The following IL1RAPL1 variants were observed in gnomAD, a reference collection of about 807,000 sequenced individuals.
IL1RAPL1 encodes interleukin-1 receptor accessory protein-like 1.
Under a neutral mutation model 48.4 loss-of-function variants are expected in IL1RAPL1, and 3 were observed. The ratio of observed to expected loss-of-function variants is 0.06; its 90% confidence interval spans 0.03 to 0.16. IL1RAPL1 has a LOEUF of 0.16. Ranked by LOEUF, IL1RAPL1 falls within the 10% of genes least tolerant of loss-of-function variation. IL1RAPL1 has a pLI of 1.00. For synonymous variants in IL1RAPL1, 185 were observed against 187.7 expected, an observed-to-expected ratio of 0.99 and a Z score of 0.12; for missense variants, 349 against 530.6, an observed-to-expected ratio of 0.66 and a Z score of 3.36.
At chrX:29,931,775 T>C (rs1332336603) in intron 8 of IL1RAPL1, among the ~76,000 whole-genome samples, 4 of 112,249 alleles carry the variant, frequency 3.6e-5, no homozygotes, top group African/African-American at 1.3e-4. Context: ...TTGTTCTAAC[T>C]ATGACAATAT....
chrX:29,046,580 G>C (rs1324553250), intron 2 of IL1RAPL1, among the ~76,000 whole-genome samples: 1 of 111,521 alleles, frequency 9.0e-6, no homozygotes, highest in Non-Finnish European at 1.9e-5. Flanking sequence ...GAATCATATA[G>C]CCACAGAACC....
chrX:29,556,076 GTCA>G (rs1921990673), intron 5 of IL1RAPL1, among the ~76,000 whole-genome samples: 1 of 111,640 alleles, frequency 9.0e-6, no homozygotes, highest in African/African-American at 3.3e-5. Flanking sequence ...CCTAGGACAT[GTCA>G]TCTACCTCCC....
At chrX:29,443,123 T>G (rs192810241) in intron 5 of IL1RAPL1, among the ~76,000 whole-genome samples, 10 of 110,092 alleles carry the variant, frequency 9.1e-5, no homozygotes, top group African/African-American at 3.3e-4. Flanking sequence ...CTTAGTAGAA[T>G]CATATATATG....
At chrX:28,914,632 T>C (rs1300399317) in intron 2 of IL1RAPL1, among the ~76,000 whole-genome samples, 1 of 112,181 alleles carries the variant, frequency 8.9e-6, no homozygotes, top group Non-Finnish European at 1.9e-5. Flanking sequence ...CTGCACTACC[T>C]GTACGACACA....
intron 6 of IL1RAPL1, among the ~76,000 whole-genome samples, chrX:29,717,725 G>A (rs1450177712): frequency 3.6e-5 from 4 of 111,975 alleles, no homozygotes; most frequent in Non-Finnish European, 7.5e-5. Context: ...GTTGAGAAGT[G>A]CAACCAAAAC....
intron 5 of IL1RAPL1, among the ~76,000 whole-genome samples, chrX:29,457,585 G>A: frequency 8.9e-6 from 1 of 112,141 alleles, no homozygotes; most frequent in Non-Finnish European, 1.9e-5. Context: ...ATCCACCACT[G>A]ATGGACACCT....
rs1483851804 is a variant in IL1RAPL1 at position 28,887,199 on chromosome X, C to T, written c.82+97774C>T. 2.7e-5 allele frequency among the ~76,000 whole-genome samples: 3 copies of T among 110,643 alleles called. No homozygotes were observed. In the Admixed American group the frequency reaches 2.9e-4, roughly 11 times the overall value. On this transcript the variant is annotated intron_variant, in intron 2 of 10. Coordinates refer to ENST00000378993, the MANE Select transcript of IL1RAPL1 (RefSeq NM_014271.4). ...TCCTCCTGTGTGAATGAGATTAAGGCCCTTATTAAAGAGGTTACACTCAGT... is the reference window on the plus strand; with the variant it reads ...TCCTCCTGTGTGAATGAGATTAAGGTCCTTATTAAAGAGGTTACACTCAGT...
chrX:29,762,574 A>AAT (rs775690081), intron 6 of IL1RAPL1, among the ~76,000 whole-genome samples: 145 of 111,851 alleles, frequency 1.3e-3, no homozygotes, highest in Non-Finnish European at 2.5e-3. Flanking sequence ...AAGAGAGAGA[A>AAT]ATATATAATT....
intron 5 of IL1RAPL1, among the ~76,000 whole-genome samples, chrX:29,499,545 AC>A (rs1411535444): frequency 2.7e-5 from 3 of 111,997 alleles, no homozygotes; most frequent in African/African-American, 9.7e-5. Flanking sequence ...AGAACACACA[AC>A]TTTAGGCTAT....
At chrX:29,129,953 C>T (rs1419416285) in intron 2 of IL1RAPL1, among the ~76,000 whole-genome samples, 1 of 111,021 alleles carries the variant, frequency 9.0e-6, no homozygotes, top group East Asian at 2.8e-4. Flanking sequence ...CTAAAGAACC[C>T]TCATATTTTC....
chrX:28,673,179 G>T (rs945346573), intron 1 of IL1RAPL1, among the ~76,000 whole-genome samples: 5 of 111,750 alleles, frequency 4.5e-5, no homozygotes, highest in Non-Finnish European at 3.8e-5. Flanking sequence ...TAGAGGACCC[G>T]GAAATAAGGC....
intron 6 of IL1RAPL1, among the ~76,000 whole-genome samples, chrX:29,744,653 T>G (rs745531783): frequency 3.6e-5 from 4 of 112,374 alleles, no homozygotes; most frequent in Non-Finnish European, 5.6e-5. Flanking sequence ...AATTGGCCAA[T>G]GCAGATTTCT....
chrX:29,239,630 TGG>T (rs1931369462), intron 2 of IL1RAPL1, among the ~76,000 whole-genome samples: 2 of 112,169 alleles, frequency 1.8e-5, no homozygotes, highest in Admixed American at 1.9e-4. Flanking sequence ...GTCCAACACG[TGG>T]CCTGCGGGCT....
At chrX:29,830,035 T>C (rs1930837806) in intron 6 of IL1RAPL1, among the ~76,000 whole-genome samples, 1 of 112,485 alleles carries the variant, frequency 8.9e-6, no homozygotes, top group East Asian at 2.8e-4. Flanking sequence ...TCCTCTGATA[T>C]TTGATTTTGA....
chrX:28,609,342 AC>A (rs1177896825), intron 1 of IL1RAPL1, among the ~76,000 whole-genome samples: 1 of 111,116 alleles, frequency 9.0e-6, no homozygotes, highest in Admixed American at 9.6e-5. Context: ...CCCCAAGATC[AC>A]TGTTGTTATT....
At chrX:28,840,590 G>T (rs1921344360) in intron 2 of IL1RAPL1, among the ~76,000 whole-genome samples, 1 of 110,473 alleles carries the variant, frequency 9.1e-6, no homozygotes, top group Non-Finnish European at 1.9e-5. Flanking sequence ...TAATTTAATT[G>T]ATTTAATTTT....
At chrX:29,819,189 A>G (rs142335315) in intron 6 of IL1RAPL1, among the ~76,000 whole-genome samples, 3,344 of 111,976 alleles carry the variant, frequency 0.03, 125 homozygotes, top group African/African-American at 0.1. Flanking sequence ...TATATTAAAG[A>G]CACTTTATTT....
chrX:28,940,738 G>A (rs1392550392), intron 2 of IL1RAPL1, among the ~76,000 whole-genome samples: 1 of 110,790 alleles, frequency 9.0e-6, no homozygotes. Flanking sequence ...ATTATGTGGT[G>A]TGCTTGCCTT....
chrX:29,468,854 T>C, intron 5 of IL1RAPL1, among the ~76,000 whole-genome samples: 1 of 112,013 alleles, frequency 8.9e-6, no homozygotes, highest in East Asian at 2.8e-4. Flanking sequence ...TCAGTTTAAA[T>C]GGACTTCCCT....
Sources: allele counts gnomAD v4.1 joint callset (sites outside exome capture counted in the v4.1 genomes callset), GRCh38; gene constraint gnomAD v4.1.1; transcripts MANE v1.5; gene names NCBI Gene and HGNC (gene_info 2026-07-23, HGNC 2026-07-21).